CCNY: variants seen among roughly 807,000 people sequenced by gnomAD.
CCNY encodes the protein cyclin Y.
CCNY carries 19 observed loss-of-function variants against 42.8 expected under a neutral mutation model. That is an observed-to-expected ratio of 0.44 (90% CI 0.31 to 0.65). CCNY has a LOEUF of 0.65. Among genes scored for constraint, CCNY ranks in the 30% least tolerant of loss-of-function variants. CCNY has a pLI of 0.07. For missense variants in CCNY, 370 were observed against 437.3 expected (o/e 0.85, Z 1.37); for synonymous variants, 165 against 162.7 (o/e 1.01, Z -0.11).
Position 35,553,108 on chromosome 10 carries a change from C to A in CCNY, c.669C>A (p.Ala223=). 1 of 1,614,194 alleles carries A rather than the reference C, an allele frequency of 6.2e-7. No individual in the cohort carries two copies. Among genetic ancestry groups the A allele is most frequent in the Non-Finnish European group, 8.5e-7 (1 of 1,180,038 alleles). Residue 223 remains alanine, a synonymous_variant, in exon 8 of 10, where the codon GCC becomes GCA. Transcript: ENST00000374704. ...KRIVLGAILL[A]SKVWDDQAVW... is the part of the protein sequence containing the mutation. ...TTGTTTTAGGGGCGATCCTGCTGGC[C>A]TCCAAGGTGTGGGATGACCAGGCTG...
chr10:35,501,090 T>C (rs1328789342), intron 2 of CCNY, among the ~76,000 whole-genome samples: 1 of 152,226 alleles, frequency 6.6e-6, no homozygotes, highest in Non-Finnish European at 1.5e-5. Context: ...ATTATTGTTA[T>C]TTATATTTCC....
chr10:35,408,284 C>T (rs915359696), intron 1 of CCNY, among the ~76,000 whole-genome samples: 6 of 152,134 alleles, frequency 3.9e-5, no homozygotes, highest in Admixed American at 2.6e-4. Context: ...CCTGGGTCTT[C>T]GGCACCAAAT....
chr10:35,487,899 A>G (rs535003512), intron 2 of CCNY, among the ~76,000 whole-genome samples: 11 of 152,236 alleles, frequency 7.2e-5, no homozygotes, highest in African/African-American at 2.4e-4. Flanking sequence ...TCATGCTACT[A>G]TCATTACTTG....
At chr10:35,419,561 G>T (rs1838112533) in intron 1 of CCNY, among the ~76,000 whole-genome samples, 1 of 134,474 alleles carries the variant, frequency 7.4e-6, no homozygotes. Context: ...CAATCTGGAG[G>T]ATTTTTAAGG....
At chr10:35,512,839 C>T (rs1168588222) in intron 3 of CCNY, among the ~76,000 whole-genome samples, 1 of 151,868 alleles carries the variant, frequency 6.6e-6, no homozygotes, top group Non-Finnish European at 1.5e-5. Flanking sequence ...CGGGTGGGAG[C>T]AGTTGAAATA....
rs1485477131 is a variant in CCNY at position 35,572,608 on chromosome 10, A to G, written c.*3438A>G. 6.6e-6 allele frequency: 1 copy of G among 152,258 alleles called. No homozygotes were observed. The highest frequency in any genetic ancestry group is 2.4e-5 in the African/African-American group (1 of 41,470). 9.4% of individuals were successfully genotyped at this position (152,258 alleles called of 1,614,324 possible). A position where few individuals can be genotyped will look rare whatever the true frequency, so the allele number is the denominator to read the frequency against. On this transcript the variant is annotated 3_prime_UTR_variant, in exon 10 of 10. Transcript: ENST00000374704. ...ATTTGAAATTTTTTAAAAATAAAAC[A>G]TGATTCTTGGTTATTGTAGGTATTT...
chr10:35,516,983 A>G (rs918094964), intron 4 of CCNY, among the ~76,000 whole-genome samples: 1 of 152,162 alleles, frequency 6.6e-6, no homozygotes, highest in Non-Finnish European at 1.5e-5. Context: ...CCATCCTGGC[A>G]TAACTCCACT....
At chr10:35,249,642 T>C (rs564848770) in intron 2 of CCNY, among the ~76,000 whole-genome samples, 3 of 152,354 alleles carry the variant, frequency 2.0e-5, no homozygotes, top group Admixed American at 1.3e-4. Context: ...TTAGGATTTA[T>C]GACAATGATG....
Position 35,530,298 on chromosome 10 carries a change from G to A in CCNY, c.579+55G>A, listed in dbSNP as rs1327024097. The A allele has an allele frequency of 5.6e-6, 9 of 1,608,818 alleles. No homozygotes were observed. Among genetic ancestry groups the A allele is most frequent in the Admixed American group, 3.3e-5 (2 of 59,820 alleles). Reference sequence around the variant, plus strand: ...CCCCAGCCGAGGTGGTCCAGGGCCCGTTCCTGTTACTCAGCGGAGTGAGGT... The same window carrying A: ...CCCCAGCCGAGGTGGTCCAGGGCCCATTCCTGTTACTCAGCGGAGTGAGGT... On this transcript the variant is annotated intron_variant, in intron 7 of 9. Transcript: ENST00000374704. The surrounding 1 kb of genome is among the most constrained non-coding windows in gnomAD (Gnocchi z 4.3).
chr10:35,395,076 C>G (rs1342037975), intron 1 of CCNY, among the ~76,000 whole-genome samples: 2 of 143,174 alleles, frequency 1.4e-5, no homozygotes, highest in East Asian at 4.2e-4. Context: ...AGTAATAGTT[C>G]TAGTTTATCC....
At position 35,571,936 on chromosome 10, in the gene CCNY, A is replaced by G. The variant is rs571436472; in HGVS notation, c.*2766A>G. 3 of 151,726 alleles carry G rather than the reference A, an allele frequency of 2.0e-5. No homozygotes were observed. Among genetic ancestry groups the G allele is most frequent in the South Asian group, 4.2e-4 (2 of 4,808 alleles). The allele number at this position is 151,726 out of a possible 1,614,324, so 9.4% of individuals were successfully genotyped here. A position where few individuals can be genotyped will look rare whatever the true frequency, so the allele number is the denominator to read the frequency against. ...GGACAATAAATATATATCCCGATGA[A>G]TCTTTTTGATTTGTTTTACTTTTCT... On this transcript the variant is annotated 3_prime_UTR_variant, in exon 10 of 10. Transcript: ENST00000374704.
chr10:35,358,286 C>G (rs1300511928), intron 1 of CCNY, among the ~76,000 whole-genome samples: 1 of 146,828 alleles, frequency 6.8e-6, no homozygotes, highest in Non-Finnish European at 1.5e-5. Context: ...AGCAGCTTGT[C>G]TGCTTGTAGC....
intron 1 of CCNY, among the ~76,000 whole-genome samples, chr10:35,445,612 T>G (rs1231488954): frequency 1.3e-5 from 2 of 152,180 alleles, no homozygotes; most frequent in African/African-American, 4.8e-5. Flanking sequence ...TGAGGCTATT[T>G]GGAGCCAGGA....
intron 8 of CCNY, among the ~76,000 whole-genome samples, chr10:35,558,306 A>C (rs1841400083): frequency 6.6e-6 from 1 of 152,252 alleles, no homozygotes; most frequent in African/African-American, 2.4e-5. Flanking sequence ...AGAAGAAGCC[A>C]GAAGGAGAAC....
At chr10:35,562,586 A>G (rs928851186) in intron 8 of CCNY, among the ~76,000 whole-genome samples, 5 of 152,294 alleles carry the variant, frequency 3.3e-5, no homozygotes, top group African/African-American at 1.2e-4. Flanking sequence ...TTCTGTGTCC[A>G]GCATATTTCA....
At chr10:35,331,980 G>A (rs1267382564), upstream of CCNY, among the ~76,000 whole-genome samples, 2 of 152,112 alleles carry the variant, frequency 1.3e-5, no homozygotes, top group Non-Finnish European at 2.9e-5. Context: ...CAAGGTGCCT[G>A]GCTCAGTATA....
intron 3 of CCNY, among the ~76,000 whole-genome samples, chr10:35,318,401 C>T (rs1246881314): frequency 6.6e-6 from 1 of 152,088 alleles, no homozygotes; most frequent in Non-Finnish European, 1.5e-5. Context: ...ATTTAGTCCC[C>T]TATCTAGTCA....
intron 3 of CCNY, among the ~76,000 whole-genome samples, chr10:35,330,911 G>A (rs929891727): frequency 6.6e-6 from 1 of 152,050 alleles, no homozygotes; most frequent in Admixed American, 6.6e-5. Context: ...CATGCGGCAC[G>A]GCCATGCCCG....
rs1198606938 is a variant in CCNY, at chr10:35,478,507, T to C, written c.155-4897T>C. On this transcript the variant is annotated intron_variant, in intron 1 of 9. Coordinates refer to ENST00000374704, the MANE Select transcript of CCNY (RefSeq NM_145012.6). ...CCGCATATCTACAACTATCTGATCTTTGACAAACCTGAGAAAAACCAGCTA... is the reference window on the plus strand; with the variant it reads ...CCGCATATCTACAACTATCTGATCTCTGACAAACCTGAGAAAAACCAGCTA... Among the ~76,000 whole-genome samples, 3 of 152,106 alleles carry C rather than the reference T, an allele frequency of 2.0e-5. No individual in the cohort carries two copies. In the East Asian group the frequency reaches 5.8e-4, roughly 29 times the overall value.
Sources: gnomAD v4.1 joint callset for allele counts (sites outside exome capture counted in the v4.1 genomes callset) on GRCh38, gnomAD v4.1.1 for gene constraint, Gnocchi (gnomAD v3.1) non-coding constraint, MANE v1.5 for transcripts, NCBI Gene and HGNC (gene_info 2026-07-23, HGNC 2026-07-21) for gene names.